The following IL16 variants were observed in gnomAD, a reference collection of about 807,000 sequenced individuals.
The protein encoded by IL16 is pro-interleukin-16.
Under a neutral mutation model 110.1 loss-of-function variants are expected in IL16, and 67 were observed. That is an observed-to-expected ratio of 0.61 (90% CI 0.50 to 0.75). IL16 has a LOEUF of 0.75. IL16 is among the 30% of genes least tolerant of loss of function. IL16 has a pLI of 0.00. For synonymous variants in IL16, 689 were observed against 662.9 expected, an observed-to-expected ratio of 1.04 and a Z score of -0.61; for missense variants, 1,545 against 1,655.0, an observed-to-expected ratio of 0.93 and a Z score of 1.15.
At chr15:81,256,638 C>A (rs1462601099) in intron 2 of IL16, among the ~76,000 whole-genome samples, 1 of 152,152 alleles carries the variant, frequency 6.6e-6, no homozygotes, top group Non-Finnish European at 1.5e-5. Context: ...GCCACCGCAC[C>A]CAGACTCTAC....
intron 2 of IL16, among the ~76,000 whole-genome samples, chr15:81,236,697 T>C (rs1349074161): frequency 6.6e-6 from 1 of 152,224 alleles, no homozygotes; most frequent in African/African-American, 2.4e-5. Context: ...GGCTCATGCC[T>C]GTAATTACAA....
At chr15:81,182,832 C>G (rs1266876904) in exon 1 of IL16, 1 of 1,288,238 alleles carries the variant, frequency 7.8e-7, no homozygotes, top group South Asian at 1.2e-5. Context: ...TCACAGCTCT[C>G]TCTCCCTCCC....
chr15:81,232,891 T>C (rs1897057181), intron 2 of IL16, among the ~76,000 whole-genome samples: 1 of 152,178 alleles, frequency 6.6e-6, no homozygotes, highest in African/African-American at 2.4e-5. Context: ...AGTTAGGAAA[T>C]ACTTTCTCTT....
At position 81,299,725 on chromosome 15, in the gene IL16, G is replaced by A; in HGVS notation, c.2399G>A (p.Arg800Lys). 5 of 1,614,180 alleles carry A rather than the reference G, an allele frequency of 3.1e-6. No individual in the cohort carries two copies. Among genetic ancestry groups the A allele is most frequent in the Non-Finnish European group, 4.2e-6 (5 of 1,180,036 alleles). Residue 800 changes from arginine to lysine, a missense_variant, in exon 14 of 19, where the codon AGG becomes AAG. Around this residue, in one of 3 missense-constraint regions of IL16, gnomAD observed 1,185 missense variants for 1,238.8 expected, o/e 0.96. Coordinates refer to ENST00000683961, the MANE Select transcript of IL16 (RefSeq NM_172217.5). ...TTTCGCCAAAGCTTGAAAGGTTTGA[G>A]GAATCGTGCTTCAGACCCAAGAGGG... Reference protein sequence around the residue: ...AWFRQSLKGLRNRASDPRGLP... With the variant: ...AWFRQSLKGLKNRASDPRGLP...
chr15:81,238,832 T>G (rs979773880), intron 2 of IL16, among the ~76,000 whole-genome samples: 1 of 151,608 alleles, frequency 6.6e-6, no homozygotes, highest in East Asian at 1.9e-4. Flanking sequence ...TTTTAGTTTT[T>G]TTTTTTTTTT....
chr15:81,226,814 G>C lies in IL16; in HGVS notation c.312+1103G>C, dbSNP rs899289277. Among the ~76,000 whole-genome samples, 152 of 152,208 alleles carry C rather than the reference G, an allele frequency of 1.0e-3. 1 individual carries two copies. Among genetic ancestry groups the C allele is most frequent in the African/African-American group, 3.5e-3 (146 of 41,502 alleles). On this transcript the variant is annotated intron_variant, in intron 2 of 18. Transcript: ENST00000683961. ...TGGGGGAGGCTCGCCAGGCTCCCAG[G>C]CTGCCATTAATGATGTGAAAAAATC...
intron 10 of IL16, 27 bp from the exon 11 acceptor site, chr15:81,290,425 GT>G (rs1899658119): frequency 1.3e-6 from 2 of 1,569,146 alleles, no homozygotes; most frequent in Admixed American, 1.7e-5. Flanking sequence ...TCTACTGTTT[GT>G]TTGAGGAGAT....
At chr15:81,222,577 T>C (rs1896652685) in intron 1 of IL16, among the ~76,000 whole-genome samples, 1 of 146,238 alleles carries the variant, frequency 6.8e-6, no homozygotes, top group African/African-American at 2.8e-5. Flanking sequence ...TGTGTTGGCT[T>C]CACTCACAGG....
chr15:81,251,849 T>C (rs538110726), intron 2 of IL16, among the ~76,000 whole-genome samples: 2 of 152,316 alleles, frequency 1.3e-5, no homozygotes, highest in Admixed American at 1.3e-4. Flanking sequence ...TATTTTAATA[T>C]TACCTACAGT....
Position 81,268,841 on chromosome 15 carries a change from A to G in IL16, c.565-697A>G, listed in dbSNP as rs79735777. On this transcript the variant is annotated intron_variant, in intron 4 of 18. Transcript: ENST00000683961. ...ATGACACTATTAGATAGGCCCCATT[A>G]GGACCATGCTTTTACAGCTGAGGAA... Among the ~76,000 whole-genome samples the G allele has an allele frequency of 3.6e-3, 544 of 152,338 alleles. 7 individuals are homozygous for G. The highest frequency in any genetic ancestry group is 0.013 in the African/African-American group (527 of 41,568).
At chr15:81,233,487 G>C (rs1897081200) in intron 2 of IL16, among the ~76,000 whole-genome samples, 1 of 144,508 alleles carries the variant, frequency 6.9e-6, no homozygotes, top group African/African-American at 2.9e-5. Flanking sequence ...GTGTGTGTGT[G>C]TGTGTGTGTC....
At chr15:81,269,738 C>CACCCCAG in intron 5 of IL16, 90 bp downstream of exon 5, 15 of 896,178 alleles carry the variant, frequency 1.7e-5, no homozygotes, top group South Asian at 2.8e-5. Context: ...GGGAATAGGA[C>CACCCCAG]TACTGGGGTG....
intron 2 of IL16, among the ~76,000 whole-genome samples, chr15:81,239,771 C>CTTTGTTTG (rs71153570): frequency 0.061 from 9,121 of 150,628 alleles, 315 homozygotes; most frequent in African/African-American, 0.1. Context: ...ACAGGCTTGT[C>CTTTGTTTG]TTTGTTTGTT....
rs762704179 is a variant in IL16, at chr15:81,300,195, C to T, written c.2869C>T (p.Leu957Phe). 23 of 1,614,102 alleles carry T rather than the reference C, an allele frequency of 1.4e-5. No homozygotes were observed. Among genetic ancestry groups the T allele is most frequent in the Non-Finnish European group, 1.9e-5 (22 of 1,180,058 alleles). Residue 957 changes from leucine (L) to phenylalanine (F), a missense_variant, in exon 14 of 19, where the codon CTC (leucine) becomes TTC (phenylalanine). By Grantham distance (22) the Leu-to-Phe change is conservative (BLOSUM62 0). Coordinates refer to ENST00000683961, the MANE Select transcript of IL16 (RefSeq NM_172217.5). Reference sequence around the variant, plus strand: ...GGCTGAGGAATCTCAAGGCCCAGTGCTCAAGATGCCTAGCCAGCGAGCACG... The same window carrying T: ...GGCTGAGGAATCTCAAGGCCCAGTGTTCAAGATGCCTAGCCAGCGAGCACG... ...TQAEESQGPV[L>F]KMPSQRARSF...
chr15:81,231,896 G>C (rs1336520564), intron 2 of IL16, among the ~76,000 whole-genome samples: 2 of 152,006 alleles, frequency 1.3e-5, no homozygotes, highest in African/African-American at 2.4e-5. Flanking sequence ...ATAAGTCAAG[G>C]ATCACATATG....
intron 1 of IL16, among the ~76,000 whole-genome samples, chr15:81,202,260 G>A (rs1254460652): frequency 6.6e-6 from 1 of 152,174 alleles, no homozygotes; most frequent in Admixed American, 6.5e-5. Flanking sequence ...CATGACCAGT[G>A]GTGACACAAG....
intron 11 of IL16, 109 bp downstream of exon 11, chr15:81,290,649 T>C (rs543624192): frequency 1.5e-6 from 1 of 650,980 alleles, no homozygotes; most frequent in Non-Finnish European, 2.6e-6. Context: ...GCATTTACCA[T>C]AGACCAGCAT....
rs558014415 is a variant in IL16, at chr15:81,207,019, G to C, written c.-102+9867G>C. ...GAGGCCGAGGCAGGTGGATCACGAGGTCAGGAGATCAAGACCATCCTGGCT... is the reference window on the plus strand; with the variant it reads ...GAGGCCGAGGCAGGTGGATCACGAGCTCAGGAGATCAAGACCATCCTGGCT... On this transcript the variant is annotated intron_variant, in intron 1 of 18. Transcript: ENST00000683961. Among the ~76,000 whole-genome samples the C allele has an allele frequency of 1.7e-3, 263 of 151,976 alleles. 1 individual carries two copies. The highest frequency in any genetic ancestry group is 6.0e-3 in the African/African-American group (247 of 41,460).
At chr15:81,271,180 A>T (rs1898618518) in intron 5 of IL16, among the ~76,000 whole-genome samples, 1 of 151,992 alleles carries the variant, frequency 6.6e-6, no homozygotes, top group Non-Finnish European at 1.5e-5. Flanking sequence ...TAATCCCAGC[A>T]CTTTGGGAGG....
Sources: allele counts gnomAD v4.1 joint callset (sites outside exome capture counted in the v4.1 genomes callset), GRCh38; gene constraint gnomAD v4.1.1; regional missense constraint gnomAD v4.1.1; transcripts MANE v1.5; gene names NCBI Gene and HGNC (gene_info 2026-07-23, HGNC 2026-07-21).